Variants in AIG1 observed in about 807,000 individuals in gnomAD.
AIG1 encodes the protein androgen induced 1.
Under a neutral mutation model 31.4 loss-of-function variants are expected in AIG1, and 23 were observed. That is an observed-to-expected ratio of 0.73 (90% CI 0.53 to 1.04). The LOEUF is 1.04. AIG1 is among the 50% of genes least tolerant of loss of function. The pLI is 0.00. For synonymous variants in AIG1, 100 were observed against 110.5 expected (o/e 0.90, Z 0.60); for missense variants, 274 against 295.0 (o/e 0.93, Z 0.52).
chr6:143,195,074 A>C (rs1271388320), intron 3 of AIG1, among the ~76,000 whole-genome samples: 1 of 152,208 alleles, frequency 6.6e-6, no homozygotes, highest in African/African-American at 2.4e-5. Context: ...CCTCTTGAGA[A>C]AGAACAGCCA....
At chr6:143,108,421 T>A (rs1366135993) in intron 1 of AIG1, among the ~76,000 whole-genome samples, 2 of 152,188 alleles carry the variant, frequency 1.3e-5, no homozygotes, top group African/African-American at 4.8e-5. Flanking sequence ...TGGTGTCTAT[T>A]TGATAGCACA....
At chr6:143,122,973 T>A (rs1471766195) in intron 1 of AIG1, among the ~76,000 whole-genome samples, 2 of 152,190 alleles carry the variant, frequency 1.3e-5, no homozygotes, top group Non-Finnish European at 2.9e-5. Flanking sequence ...CCCCAGTGTC[T>A]TGTTGAGCTT....
intron 4 of AIG1, among the ~76,000 whole-genome samples, chr6:143,315,510 A>G (rs1166270882): frequency 1.3e-5 from 2 of 152,162 alleles, no homozygotes; most frequent in African/African-American, 2.4e-5. Flanking sequence ...AGCTAGAAAT[A>G]GACTCTCACA....
chr6:143,100,963 G>A lies in AIG1; in HGVS notation c.142-35872G>A, dbSNP rs143099686. ...GCCTCCCAAAGTGCTGGGATTACAGGCCTGAGCCACCGTGCCCAGCCTATT... is the reference window on the plus strand; with the variant it reads ...GCCTCCCAAAGTGCTGGGATTACAGACCTGAGCCACCGTGCCCAGCCTATT... On this transcript the variant is annotated intron_variant, in intron 1 of 5. Coordinates refer to ENST00000357847, the MANE Select transcript of AIG1 (RefSeq NM_016108.4). Among the ~76,000 whole-genome samples the A allele has an allele frequency of 2.6e-3, 393 of 152,212 alleles. 3 individuals are homozygous for A. Among genetic ancestry groups the A allele is most frequent in the East Asian group, 0.018 (92 of 5,184 alleles).
intron 1 of AIG1, among the ~76,000 whole-genome samples, chr6:143,129,046 T>C (rs901588003): frequency 3.3e-5 from 5 of 152,008 alleles, no homozygotes; most frequent in Admixed American, 3.3e-4. Flanking sequence ...AATCCCAGCA[T>C]TTTGGGAGGC....
At chr6:143,253,208 C>G (rs1209639666) in intron 3 of AIG1, among the ~76,000 whole-genome samples, 1 of 152,184 alleles carries the variant, frequency 6.6e-6, no homozygotes, top group East Asian at 1.9e-4. Context: ...GTCTGTCACA[C>G]CTGGTAACAA....
At chr6:143,186,404 C>T (rs1359165682) in intron 3 of AIG1, among the ~76,000 whole-genome samples, 1 of 152,182 alleles carries the variant, frequency 6.6e-6, no homozygotes, top group Non-Finnish European at 1.5e-5. Flanking sequence ...ATGTGTAAAC[C>T]TGGGTATAAT....
chr6:143,331,846 T>TTTTTTA lies in AIG1; in HGVS notation c.516-1434_516-1433insTTTATT, dbSNP rs1777101362. Among the ~76,000 whole-genome samples the TTTTTTA allele has an allele frequency of 7.3e-6, 1 of 137,636 alleles. No individual in the cohort carries two copies. The highest frequency in any genetic ancestry group is 7.4e-5 in the Admixed American group (1 of 13,542). The allele number at this position is 137,636 out of a possible 152,430, so 90.3% of individuals were successfully genotyped here. ...AAATGAGGTACATGTGTAGGTAATG[T>TTTTTTA]TTATTATTATTATTATTATTATTAT... On this transcript the variant is annotated intron_variant, in intron 4 of 5. Coordinates refer to ENST00000357847, the MANE Select transcript of AIG1 (RefSeq NM_016108.4). The surrounding 1 kb of genome is among the most constrained non-coding windows in gnomAD (Gnocchi z 4.1).
At position 143,256,850 on chromosome 6, in the gene AIG1, T is replaced by TGTAAAAATGTCAGAAGG. The variant is rs1795407690; in HGVS notation, c.400-27247_400-27246insAAGGGTAAAAATGTCAG. Among the ~76,000 whole-genome samples, 1 of 152,232 alleles carries TGTAAAAATGTCAGAAGG rather than the reference T, an allele frequency of 6.6e-6. No individual in the cohort carries two copies. Among genetic ancestry groups the TGTAAAAATGTCAGAAGG allele is most frequent in the Non-Finnish European group, 1.5e-5 (1 of 68,042 alleles). ...GAAGATACTTATTTTCTCTGACTCT[T>TGTAAAAATGTCAGAAGG]GTAAAAATGTCAGTAGGGTAAAAAT... On this transcript the variant is annotated intron_variant, in intron 3 of 5. Transcript: ENST00000357847. The surrounding 1 kb of genome is among the most constrained non-coding windows in gnomAD (Gnocchi z 4.6).
intron 3 of AIG1, among the ~76,000 whole-genome samples, chr6:143,166,964 T>TA (rs1171080985): frequency 1.3e-5 from 2 of 152,214 alleles, no homozygotes; most frequent in African/African-American, 4.8e-5. Flanking sequence ...TGATTCTTGA[T>TA]AAAAACAGTT....
rs1798518309 is a variant in AIG1, at chr6:143,297,549, G to A, written c.515+13324G>A. The stretch of plus-strand genomic sequence containing the variant: ...GGATGGTTGGGTGGTTGGATGGCTG[G>A]GTGATTGGATGGTTGGGTGGTTGGT... On this transcript the variant is annotated intron_variant, in intron 4 of 5. Coordinates refer to ENST00000357847, the MANE Select transcript of AIG1 (RefSeq NM_016108.4). This position sits in a 1 kb window ranked among gnomAD's most constrained non-coding sequence, Gnocchi z 5.1. 6.6e-6 allele frequency among the ~76,000 whole-genome samples: 1 copy of A among 151,658 alleles called. No individual in the cohort carries two copies. The highest frequency in any genetic ancestry group is 1.5e-5 in the Non-Finnish European group (1 of 67,880).
intron 2 of AIG1, among the ~76,000 whole-genome samples, chr6:143,157,588 C>T (rs1030788958): frequency 1.3e-5 from 2 of 152,080 alleles, no homozygotes; most frequent in African/African-American, 4.8e-5. Flanking sequence ...ATCTGGTCCA[C>T]AGTTCTGCAG....
At chr6:143,282,311 T>C (rs1797389105) in intron 3 of AIG1, among the ~76,000 whole-genome samples, 1 of 152,202 alleles carries the variant, frequency 6.6e-6, no homozygotes, top group Non-Finnish European at 1.5e-5. Flanking sequence ...AGGTTTGATC[T>C]GCAGGTATTT....
At chr6:143,232,007 G>A (rs1022831822) in intron 3 of AIG1, among the ~76,000 whole-genome samples, 38 of 152,102 alleles carry the variant, frequency 2.5e-4, no homozygotes, top group Non-Finnish European at 4.7e-4. Flanking sequence ...CCAAGTCAGG[G>A]GATCTCTCCA....
At chr6:143,108,638 A>G (rs1781020886) in intron 1 of AIG1, among the ~76,000 whole-genome samples, 1 of 152,184 alleles carries the variant, frequency 6.6e-6, no homozygotes, top group African/African-American at 2.4e-5. Flanking sequence ...CCAGTTTTCA[A>G]CAGACACATA....
rs527706586 is a variant in AIG1 at position 143,170,598 on chromosome 6, T to G, written c.399+5415T>G. On this transcript the variant is annotated intron_variant, in intron 3 of 5. Coordinates refer to ENST00000357847, the MANE Select transcript of AIG1 (RefSeq NM_016108.4). ...TTCCAAAAAAACAAGTTTTTTTTTT[T>G]TTGTTGATCTTTTGAAATTTTTTGT... Among the ~76,000 whole-genome samples the G allele has an allele frequency of 1.0e-3, 154 of 151,558 alleles. 1 individual carries two copies. In the South Asian group the frequency reaches 0.021, roughly 21 times the overall value.
At chr6:143,060,597 G>A, upstream of AIG1, 2 of 446,982 alleles carry the variant, frequency 4.5e-6, no homozygotes, top group South Asian at 3.2e-5. Flanking sequence ...ATGCCTAGGG[G>A]GCGCCTCCTG....
Position 143,338,239 on chromosome 6 carries a change from C to A in AIG1, c.680-1400C>A, listed in dbSNP as rs1235315020. On this transcript the variant is annotated intron_variant, in intron 5 of 5. Coordinates refer to ENST00000357847, the MANE Select transcript of AIG1 (RefSeq NM_016108.4). The surrounding 1 kb of genome is among the most constrained non-coding windows in gnomAD (Gnocchi z 4.3). ...TGAGCTGAATCTGTGCTGTTTTCTT[C>A]TTTCCGTGGTTACCCAACAACGAAG... The A allele has an allele frequency of 5.2e-6, 2 of 387,370 alleles. No individual in the cohort carries two copies. Among genetic ancestry groups the A allele is most frequent in the Non-Finnish European group, 9.1e-6 (2 of 219,452 alleles). The allele number at this position is 387,370 out of a possible 1,614,324, so 24.0% of individuals were successfully genotyped here.
chr6:143,294,405 G>A (rs1293362628), intron 4 of AIG1, among the ~76,000 whole-genome samples: 1 of 152,218 alleles, frequency 6.6e-6, no homozygotes, highest in South Asian at 2.1e-4. Flanking sequence ...GGTTGAGATA[G>A]TGGATTCATG....
Sources: gnomAD v4.1 joint callset for allele counts (sites outside exome capture counted in the v4.1 genomes callset) on GRCh38, gnomAD v4.1.1 for gene constraint, Gnocchi (gnomAD v3.1) non-coding constraint, MANE v1.5 for transcripts, NCBI Gene and HGNC (gene_info 2026-07-23, HGNC 2026-07-21) for gene names.